The following LRIG1 variants were observed in gnomAD, a reference collection of about 807,000 sequenced individuals.
LRIG1 encodes leucine-rich repeats and immunoglobulin-like domains protein 1.
In LRIG1, 48 loss-of-function variants were observed where a neutral mutation model predicts 99.2. That is an observed-to-expected ratio of 0.48 (90% CI 0.38 to 0.62). LRIG1 has a LOEUF of 0.62. Ranked by LOEUF, LRIG1 falls within the 20% of genes least tolerant of loss-of-function variation. The pLI is 0.00. For missense variants in LRIG1, 1,646 were observed against 1,434.4 expected (o/e 1.15, Z -2.38); for synonymous variants, 772 against 596.1 (o/e 1.29, Z -4.30).
intron 1 of LRIG1, among the ~76,000 whole-genome samples, chr3:66,467,556 T>C (rs1457930431): frequency 6.6e-6 from 1 of 151,826 alleles, no homozygotes; most frequent in African/African-American, 2.4e-5. Flanking sequence ...AGAGACAGGG[T>C]TTCACCGTGT....
chr3:66,379,647 G>T lies in LRIG1; in HGVS notation c.*616C>A, dbSNP rs970286197. 1 of 152,190 alleles carries T rather than the reference G, an allele frequency of 6.6e-6. No individual in the cohort carries two copies. 9.4% of individuals were successfully genotyped at this position (152,190 alleles called of 1,614,324 possible). A position where few individuals can be genotyped will look rare whatever the true frequency, so the allele number is the denominator to read the frequency against. ...AACCTAAAAGGAAAAGCCATTCACT[G>T]CAAGTGTGGATGGCACTTGCACCCC... is the stretch of plus-strand genomic sequence containing the variant. On this transcript the variant is annotated 3_prime_UTR_variant, in exon 19 of 19. Transcript: ENST00000273261.
intron 6 of LRIG1, among the ~76,000 whole-genome samples, chr3:66,410,766 G>A (rs1023840547): frequency 2.0e-5 from 3 of 152,264 alleles, no homozygotes; most frequent in African/African-American, 4.8e-5. Flanking sequence ...AAAGGAGAGC[G>A]AATAGGAGGC....
intron 12 of LRIG1, 80 bp downstream of exon 12, chr3:66,393,960 A>C: frequency 1.4e-6 from 2 of 1,458,060 alleles, no homozygotes; most frequent in Non-Finnish European, 1.9e-6. Context: ...TGATCACAGG[A>C]ATTACTCCCA....
Position 66,412,948 on chromosome 3 carries a change from C to T in LRIG1, c.714G>A (p.Glu238=), listed in dbSNP as rs757877382. 15 of 1,614,224 alleles carry T rather than the reference C, an allele frequency of 9.3e-6. No individual in the cohort carries two copies. In the South Asian group the frequency reaches 1.5e-4, roughly 17 times the overall value. ...TGTTGTTTCGCTGAAGCTTCAGCAC[C>T]TCCAAGCTGTTGAGCCCCTGGAAGG... ...GLTFQGLNSL[E]VLKLQRNNIS... is the part of the protein sequence containing the mutation. The change falls in exon 6 of 19, where the codon GAG becomes GAA. Residue 238 remains glutamate (E), a synonymous_variant. Transcript: ENST00000273261.
chr3:66,439,092 G>A (rs1447574665), intron 3 of LRIG1, among the ~76,000 whole-genome samples: 1 of 152,204 alleles, frequency 6.6e-6, no homozygotes, highest in Non-Finnish European at 1.5e-5. Flanking sequence ...GACAGAGCAG[G>A]GGCCAGCCTA....
At chr3:66,450,608 G>A (rs771044082) in intron 3 of LRIG1, among the ~76,000 whole-genome samples, 7 of 152,210 alleles carry the variant, frequency 4.6e-5, no homozygotes, top group Non-Finnish European at 1.0e-4. Flanking sequence ...TCCGAGATCT[G>A]TAAGCTATGC....
chr3:66,438,690 G>A (rs140489211), intron 3 of LRIG1, among the ~76,000 whole-genome samples: 26 of 152,156 alleles, frequency 1.7e-4, no homozygotes, highest in Admixed American at 1.2e-3. Flanking sequence ...ACAAGAGGAC[G>A]GTGAGAGGGC....
intron 13 of LRIG1, among the ~76,000 whole-genome samples, chr3:66,384,947 C>T (rs1701296057): frequency 6.6e-6 from 1 of 152,152 alleles, no homozygotes; most frequent in South Asian, 2.1e-4. Flanking sequence ...GCTGTGAGGA[C>T]TTGGAATAAG....
chr3:66,443,363 T>G (rs1703610620), intron 3 of LRIG1, among the ~76,000 whole-genome samples: 9 of 128,752 alleles, frequency 7.0e-5, no homozygotes, highest in Middle Eastern at 4.1e-3. Context: ...GGGGGATGAG[T>G]GAGGGGGTGT....
rs1442440225 is a variant in LRIG1 at position 66,440,118 on chromosome 3, T to C, written c.365+11441A>G. On this transcript the variant is annotated intron_variant, in intron 3 of 18. Transcript: ENST00000273261. ...CAAGAGGAGGAACAATGCCTTTCAGTTGCAATTATCCAGCTGTGGCTTATT... is the reference window on the plus strand; with the variant it reads ...CAAGAGGAGGAACAATGCCTTTCAGCTGCAATTATCCAGCTGTGGCTTATT... Among the ~76,000 whole-genome samples the C allele has an allele frequency of 5.9e-5, 9 of 152,264 alleles. No individual in the cohort carries two copies. The East Asian group carries it at 1.7e-3, about 29-fold the overall frequency.
intron 3 of LRIG1, among the ~76,000 whole-genome samples, chr3:66,440,473 C>T (rs550519900): frequency 2.0e-5 from 3 of 152,270 alleles, no homozygotes; most frequent in East Asian, 3.9e-4. Context: ...GATACATATA[C>T]GAGGGTTTTC....
intron 3 of LRIG1, among the ~76,000 whole-genome samples, chr3:66,420,493 A>T (rs1419063606): frequency 1.3e-5 from 2 of 152,230 alleles, no homozygotes; most frequent in African/African-American, 4.8e-5. Context: ...GCAGACCTCA[A>T]AGAGACATGT....
chr3:66,405,147 C>G (rs1224035566), intron 9 of LRIG1, 51 bp downstream of exon 9: 1 of 1,530,288 alleles, frequency 6.5e-7, no homozygotes, highest in Non-Finnish European at 9.0e-7. Context: ...ATCTCCCACC[C>G]AAGTGTGTCC....
intron 13 of LRIG1, among the ~76,000 whole-genome samples, chr3:66,384,724 G>C (rs1354043004): frequency 6.6e-6 from 1 of 151,868 alleles, no homozygotes; most frequent in African/African-American, 2.4e-5. Context: ...GGGATGAATG[G>C]GATGGCTCAT....
chr3:66,400,867 G>C (rs910137896), intron 9 of LRIG1, among the ~76,000 whole-genome samples: 6 of 152,096 alleles, frequency 3.9e-5, no homozygotes, highest in African/African-American at 1.4e-4. Context: ...GTACCAGGAG[G>C]CTGCCTCCTG....
At position 66,398,186 on chromosome 3, in the gene LRIG1, G is replaced by A. The variant is rs1701927386; in HGVS notation, c.1233-3C>T. Reference sequence around the variant, plus strand: ...TGATCGCATTCCCTCCAAGGTTCCTGAAACAGAACATACATTACTTATGCA... The same window carrying A: ...TGATCGCATTCCCTCCAAGGTTCCTAAAACAGAACATACATTACTTATGCA... On this transcript the variant is annotated splice_polypyrimidine_tract_variant and splice_region_variant and intron_variant, in intron 10 of 18. Transcript: ENST00000273261. 6.2e-7 allele frequency: 1 copy of A among 1,612,548 alleles called. No individual in the cohort carries two copies. Among genetic ancestry groups the A allele is most frequent in the Non-Finnish European group, 8.5e-7 (1 of 1,178,592 alleles).
chr3:66,466,319 C>T (rs183271893), intron 1 of LRIG1, among the ~76,000 whole-genome samples: 6 of 152,174 alleles, frequency 3.9e-5, no homozygotes, highest in South Asian at 2.1e-4. Context: ...ATAGGATTAC[C>T]GGAGTAAGCC....
chr3:66,449,637 CAG>C (rs1206834677), intron 3 of LRIG1, among the ~76,000 whole-genome samples: 1 of 152,204 alleles, frequency 6.6e-6, no homozygotes, highest in Non-Finnish European at 1.5e-5. Flanking sequence ...CAGTGTGGTT[CAG>C]AGTCACCTGC....
At chr3:66,486,479 C>T (rs1033064564) in intron 1 of LRIG1, among the ~76,000 whole-genome samples, 1 of 152,122 alleles carries the variant, frequency 6.6e-6, no homozygotes, top group Non-Finnish European at 1.5e-5. Flanking sequence ...ACATTATCTT[C>T]CCCTGAAGAC....
Sources: gnomAD v4.1 joint callset for allele counts (sites outside exome capture counted in the v4.1 genomes callset) on GRCh38, gnomAD v4.1.1 for gene constraint, MANE v1.5 for transcripts, NCBI Gene and HGNC (gene_info 2026-07-23, HGNC 2026-07-21) for gene names.